The following TMEM170B variants were observed in gnomAD, a reference collection of about 807,000 sequenced individuals.
The protein encoded by TMEM170B is transmembrane protein 170B.
TMEM170B carries 6 observed loss-of-function variants against 13.0 expected under a neutral mutation model. That is an observed-to-expected ratio of 0.46 (90% CI 0.25 to 0.91). The LOEUF is 0.91. Ranked by LOEUF, TMEM170B falls within the 40% of genes least tolerant of loss-of-function variation. The probability of loss-of-function intolerance (pLI) is 0.17; values close to 1 mark genes in which losing one functional copy is unlikely to be tolerated. For missense variants in TMEM170B, 138 were observed against 165.2 expected (o/e 0.84, Z 0.90); for synonymous variants, 61 against 64.9 (o/e 0.94, Z 0.29).
intron 2 of TMEM170B, among the ~76,000 whole-genome samples, chr6:11,568,161 G>T (rs961682269): frequency 6.6e-6 from 1 of 152,188 alleles, no homozygotes; most frequent in African/African-American, 2.4e-5. Flanking sequence ...AAAGAGGAAG[G>T]AAGAGGAATT....
At position 11,575,495 on chromosome 6, in the gene TMEM170B, A is replaced by G. The variant is rs1362259498; in HGVS notation, c.333A>G (p.Val111=). Residue 111 remains valine, a synonymous_variant, in exon 3 of 3, where the codon GTA becomes GTG. Coordinates refer to ENST00000379426, the MANE Select transcript of TMEM170B (RefSeq NM_001100829.3). This position sits in a 1 kb window ranked among gnomAD's most constrained non-coding sequence, Gnocchi z 4.1. ...GKNMAPLEAL[V]WGVGQTVLTL... is the part of the protein sequence containing the mutation. ...ACATGGCCCCTTTGGAAGCGCTGGT[A>G]TGGGGCGTTGGACAGACTGTACTGA... The G allele has an allele frequency of 1.2e-6, 2 of 1,613,348 alleles. No individual in the cohort carries two copies. Among genetic ancestry groups the G allele is most frequent in the East Asian group, 4.5e-5 (2 of 44,892 alleles).
Position 11,582,588 on chromosome 6 carries a change from G to GA in TMEM170B, c.*7031dup, listed in dbSNP as rs1759970612. Reference sequence around the variant, plus strand: ...ATGAAATGGAAAAAAATGTAGTTAAGAAAATTAAGTGTGAGACTTTAAAAT... The same window carrying GA: ...ATGAAATGGAAAAAAATGTAGTTAAGAAAAATTAAGTGTGAGACTTTAAAAT... On this transcript the variant is annotated 3_prime_UTR_variant, in exon 3 of 3. Coordinates refer to ENST00000379426, the MANE Select transcript of TMEM170B (RefSeq NM_001100829.3). 1 of 152,102 alleles carries GA rather than the reference G, an allele frequency of 6.6e-6. No homozygotes were observed. The highest frequency in any genetic ancestry group is 6.6e-5 in the Admixed American group (1 of 15,266). The allele number at this position is 152,102 out of a possible 1,614,324, so 9.4% of individuals were successfully genotyped here. A position where few individuals can be genotyped will look rare whatever the true frequency, so the allele number is the denominator to read the frequency against.
intron 1 of TMEM170B, among the ~76,000 whole-genome samples, chr6:11,548,669 A>G (rs1248131244): frequency 6.6e-6 from 1 of 152,232 alleles, no homozygotes; most frequent in Admixed American, 6.5e-5. Flanking sequence ...ACTTGGAACC[A>G]ACCCACATGT....
intron 2 of TMEM170B, among the ~76,000 whole-genome samples, chr6:11,568,154 G>T (rs1759758944): frequency 1.3e-5 from 2 of 152,182 alleles, no homozygotes; most frequent in Admixed American, 6.5e-5. Context: ...AGAGAATAAA[G>T]AGGAAGGAAG....
chr6:11,545,324 AAGTAGTAGT>A (rs1015387518), intron 1 of TMEM170B, among the ~76,000 whole-genome samples: 1 of 103,838 alleles, frequency 9.6e-6, no homozygotes, highest in Non-Finnish European at 2.3e-5. Context: ...TACTAGTAGT[AAGTAGTAGT>A]AGTAGTAGTA....
At chr6:11,557,451 C>T (rs548843110) in intron 1 of TMEM170B, among the ~76,000 whole-genome samples, 25 of 152,176 alleles carry the variant, frequency 1.6e-4, no homozygotes, top group African/African-American at 5.3e-4. Context: ...ACCACCATGG[C>T]ACACATTTAC....
chr6:11,565,934 T>C, intron 2 of TMEM170B, 98 bp downstream of exon 2: 1 of 1,125,302 alleles, frequency 8.9e-7, no homozygotes. Flanking sequence ...GTGAGATCTT[T>C]TATGTAGATT....
At chr6:11,568,776 G>A (rs992174985) in intron 2 of TMEM170B, among the ~76,000 whole-genome samples, 4 of 152,120 alleles carry the variant, frequency 2.6e-5, no homozygotes, top group Non-Finnish European at 4.4e-5. Flanking sequence ...GTGAATACTA[G>A]TGCACTCATA....
chr6:11,538,090 C>T lies in TMEM170B; in HGVS notation c.-188C>T, dbSNP rs1759304286. Among the ~76,000 whole-genome samples the T allele has an allele frequency of 6.6e-6, 1 of 151,164 alleles. No individual in the cohort carries two copies. Among genetic ancestry groups the T allele is most frequent in the Non-Finnish European group, 1.5e-5 (1 of 67,642 alleles). The stretch of plus-strand genomic sequence containing the variant: ...GGCGGGGAGGGGGCTGCCTGGGAGA[C>T]ACGCTGAGCGGCCCCCCCACGGAGG... On this transcript the variant is annotated 5_prime_UTR_variant, in exon 1 of 3. Coordinates refer to ENST00000379426, the MANE Select transcript of TMEM170B (RefSeq NM_001100829.3).
intron 1 of TMEM170B, among the ~76,000 whole-genome samples, chr6:11,556,994 T>C (rs1223006920): frequency 6.6e-6 from 1 of 152,192 alleles, no homozygotes; most frequent in South Asian, 2.1e-4. Context: ...TAGAGACCTG[T>C]GGAAAAGCAC....
In TMEM170B at chr6:11,577,603, A is replaced by C. The variant is rs1333140164; in HGVS notation, c.*2042A>C. On this transcript the variant is annotated 3_prime_UTR_variant, in exon 3 of 3. Coordinates refer to ENST00000379426, the MANE Select transcript of TMEM170B (RefSeq NM_001100829.3). ...GTTTATTTTATGATTTAAGAAAGTT[A>C]TGGTAAAGTAATATGGAGCATGATT... 1 of 152,134 alleles carries C rather than the reference A, an allele frequency of 6.6e-6. No homozygotes were observed. The highest frequency in any genetic ancestry group is 6.5e-5 in the Admixed American group (1 of 15,274). The allele number at this position is 152,134 out of a possible 1,614,324, so 9.4% of individuals were successfully genotyped here.
rs1221591688 is a variant in TMEM170B at position 11,582,844 on chromosome 6, C to T, written c.*7283C>T. The T allele has an allele frequency of 2.6e-5, 4 of 152,154 alleles. No individual in the cohort carries two copies. Among genetic ancestry groups the T allele is most frequent in the Non-Finnish European group, 4.4e-5 (3 of 68,000 alleles). 9.4% of individuals were successfully genotyped at this position (152,154 alleles called of 1,614,324 possible). A position where few individuals can be genotyped will look rare whatever the true frequency, so the allele number is the denominator to read the frequency against. Reference sequence around the variant, plus strand: ...ACCCTGTGTTATGTGAACACAATTTCCCCTTCTGTTAAGACTATAAACTAT... The same window carrying T: ...ACCCTGTGTTATGTGAACACAATTTTCCCTTCTGTTAAGACTATAAACTAT... On this transcript the variant is annotated 3_prime_UTR_variant, in exon 3 of 3. Transcript: ENST00000379426.
chr6:11,565,793 C>A lies in TMEM170B; in HGVS notation c.225C>A (p.Val75=), dbSNP rs1402530532. 6.2e-7 allele frequency: 1 copy of A among 1,614,132 alleles called. No homozygotes were observed. Among genetic ancestry groups the A allele is most frequent in the Non-Finnish European group, 8.5e-7 (1 of 1,179,994 alleles). Residue 75 remains valine (V), a synonymous_variant, in exon 2 of 3, where the codon GTC becomes GTA. Coordinates refer to ENST00000379426, the MANE Select transcript of TMEM170B (RefSeq NM_001100829.3). ...RQGRVISVIA[V]SIGFLASVTG... ...GAAGAGTCATCTCTGTCATTGCAGT[C>A]AGCATTGGATTTCTGGCTTCTGTAA... is the stretch of plus-strand genomic sequence containing the variant.
In TMEM170B at chr6:11,582,942, TATA is replaced by T. The variant is rs1215700659; in HGVS notation, c.*7385_*7387del. 1 of 152,204 alleles carries T rather than the reference TATA, an allele frequency of 6.6e-6. No homozygotes were observed. The highest frequency in any genetic ancestry group is 6.5e-5 in the Admixed American group (1 of 15,292). The allele number at this position is 152,204 out of a possible 1,614,324, so 9.4% of individuals were successfully genotyped here. A position where few individuals can be genotyped will look rare whatever the true frequency, so the allele number is the denominator to read the frequency against. On this transcript the variant is annotated 3_prime_UTR_variant, in exon 3 of 3. Transcript: ENST00000379426. Reference sequence around the variant, plus strand: ...GATTATTTTAAAAACTATGTTTATATATAATACCTAACAAGCTGTAAATATTGT... The same window carrying T: ...GATTATTTTAAAAACTATGTTTATATATACCTAACAAGCTGTAAATATTGT...
Position 11,575,343 on chromosome 6 carries a change from G to A in TMEM170B, c.269-88G>A. 5 of 1,476,054 alleles carry A rather than the reference G, an allele frequency of 3.4e-6. No homozygotes were observed. The highest frequency in any genetic ancestry group is 3.7e-6 in the Non-Finnish European group (4 of 1,087,590). 91.4% of individuals were successfully genotyped at this position (1,476,054 alleles called of 1,614,324 possible). ...AAAAAATGATGACTTATGTTTTGAT[G>A]AAATGAAAAGAGCTCTTAAGGTGCA... On this transcript the variant is annotated intron_variant, in intron 2 of 2. Coordinates refer to ENST00000379426, the MANE Select transcript of TMEM170B (RefSeq NM_001100829.3). This position sits in a 1 kb window ranked among gnomAD's most constrained non-coding sequence, Gnocchi z 4.1.
intron 1 of TMEM170B, 29 bp downstream of exon 1, chr6:11,538,403 G>A: frequency 6.9e-7 from 1 of 1,459,442 alleles, no homozygotes; most frequent in South Asian, 1.3e-5. Flanking sequence ...CTGGGGACGG[G>A]GATGCGGTCC....
At chr6:11,574,430 AC>A (rs1263293964) in intron 2 of TMEM170B, among the ~76,000 whole-genome samples, 2 of 152,146 alleles carry the variant, frequency 1.3e-5, no homozygotes, top group African/African-American at 2.4e-5. Flanking sequence ...TTCTAAGTTG[AC>A]AAGTAAAAAT....
At chr6:11,554,752 A>C (rs552681) in intron 1 of TMEM170B, among the ~76,000 whole-genome samples, 2 of 152,108 alleles carry the variant, frequency 1.3e-5, no homozygotes, top group Non-Finnish European at 1.5e-5. Context: ...GCACTATGTT[A>C]AAGCAGCTCT....
intron 2 of TMEM170B, among the ~76,000 whole-genome samples, chr6:11,569,227 A>G (rs1759770173): frequency 6.6e-6 from 1 of 152,084 alleles, no homozygotes; most frequent in South Asian, 2.1e-4. Context: ...GGACTTTGCA[A>G]ATAATTTATC....
Sources: allele counts gnomAD v4.1 joint callset (sites outside exome capture counted in the v4.1 genomes callset), GRCh38; gene constraint gnomAD v4.1.1; non-coding constraint Gnocchi (gnomAD v3.1); transcripts MANE v1.5; gene names NCBI Gene and HGNC (gene_info 2026-07-23, HGNC 2026-07-21).